Variants in RHBDD1 observed in about 807,000 individuals in gnomAD.
RHBDD1 encodes rhomboid domain containing 1.
RHBDD1 carries 38 observed loss-of-function variants against 36.3 expected under a neutral mutation model. The ratio of observed to expected loss-of-function variants is 1.05; its 90% CI spans 0.81 to 1.37. RHBDD1 has a LOEUF of 1.37. Among genes scored for constraint, RHBDD1 ranks in the 40% most tolerant of loss-of-function variants. The probability of loss-of-function intolerance (pLI) is 0.00; values close to 1 mark genes in which losing one functional copy is unlikely to be tolerated. For missense variants in RHBDD1, 393 were observed against 377.6 expected, an observed-to-expected ratio of 1.04 and a Z score of -0.34; for synonymous variants, 151 against 136.5, an observed-to-expected ratio of 1.11 and a Z score of -0.74.
intron 3 of RHBDD1, among the ~76,000 whole-genome samples, chr2:226,841,584 T>C (rs750800008): frequency 6.6e-6 from 1 of 152,232 alleles, no homozygotes; most frequent in Non-Finnish European, 1.5e-5. Context: ...GTCAGTTTGC[T>C]GAGGATAATG....
At chr2:226,898,104 C>T (rs557275342) in intron 5 of RHBDD1, among the ~76,000 whole-genome samples, 52 of 152,350 alleles carry the variant, frequency 3.4e-4, no homozygotes, top group South Asian at 6.2e-4. Flanking sequence ...GATCTGCCCT[C>T]ATGACCCAGT....
chr2:226,929,627 A>G (rs751907751), intron 8 of RHBDD1, among the ~76,000 whole-genome samples: 9 of 152,252 alleles, frequency 5.9e-5, no homozygotes, highest in Non-Finnish European at 1.2e-4. Context: ...ACTCTATTCA[A>G]CACATTACTG....
At chr2:226,960,113 G>T (rs887976585) in intron 8 of RHBDD1, among the ~76,000 whole-genome samples, 3 of 152,084 alleles carry the variant, frequency 2.0e-5, no homozygotes, top group African/African-American at 4.8e-5. Context: ...ATGAGCCACC[G>T]TGCCCGGCCA....
chr2:226,842,927 T>A (rs1249644630), intron 3 of RHBDD1, among the ~76,000 whole-genome samples: 1 of 152,250 alleles, frequency 6.6e-6, no homozygotes, highest in Non-Finnish European at 1.5e-5. Flanking sequence ...GTTTTTCCAT[T>A]TGTGTCCTCT....
At chr2:226,964,646 G>C (rs1952483820) in intron 8 of RHBDD1, among the ~76,000 whole-genome samples, 1 of 152,206 alleles carries the variant, frequency 6.6e-6, no homozygotes, top group South Asian at 2.1e-4. Flanking sequence ...GGACATCTCA[G>C]ATGCATCATG....
intron 8 of RHBDD1, among the ~76,000 whole-genome samples, chr2:226,951,579 A>G (rs1951429355): frequency 6.6e-6 from 1 of 152,204 alleles, no homozygotes; most frequent in Non-Finnish European, 1.5e-5. Flanking sequence ...TCATGATTGA[A>G]TATTTTCAGG....
chr2:226,984,254 T>C (rs752356809), intron 8 of RHBDD1, among the ~76,000 whole-genome samples: 8 of 152,242 alleles, frequency 5.3e-5, no homozygotes, highest in Non-Finnish European at 8.8e-5. Context: ...AACAAAATAC[T>C]ACCATGGACC....
chr2:226,831,705 CTT>C (rs79204506), upstream of RHBDD1, among the ~76,000 whole-genome samples: 20 of 144,472 alleles, frequency 1.4e-4, no homozygotes, highest in South Asian at 2.2e-4. Context: ...GTTTATAATA[CTT>C]TTTTTTTTTT....
chr2:226,972,549 C>T (rs746189143), intron 8 of RHBDD1, among the ~76,000 whole-genome samples: 63 of 152,282 alleles, frequency 4.1e-4, no homozygotes, highest in Middle Eastern at 3.4e-3. Context: ...CCAGGGCAGA[C>T]GTGGGCCACA....
intron 8 of RHBDD1, among the ~76,000 whole-genome samples, chr2:226,995,107 A>T (rs1204601586): frequency 6.6e-6 from 1 of 152,172 alleles, no homozygotes; most frequent in Admixed American, 6.5e-5. Context: ...ATAAAAAAAA[A>T]AAGACAATAA....
intron 8 of RHBDD1, among the ~76,000 whole-genome samples, chr2:226,975,607 T>G (rs749418393): frequency 2.0e-5 from 3 of 152,136 alleles, no homozygotes; most frequent in Non-Finnish European, 2.9e-5. Context: ...GGAATCTGCT[T>G]GGATTTAAAG....
chr2:226,966,031 A>G (rs1247580982), intron 8 of RHBDD1, among the ~76,000 whole-genome samples: 1 of 152,196 alleles, frequency 6.6e-6, no homozygotes, highest in Non-Finnish European at 1.5e-5. Flanking sequence ...ATTTACCATG[A>G]TCAAGTAGGC....
rs566066387 is a variant in RHBDD1 at position 226,995,863 on chromosome 2, C to A, written c.*341C>A. The A allele has an allele frequency of 7.9e-6, 2 of 252,094 alleles. No homozygotes were observed. The highest frequency in any genetic ancestry group is 5.4e-5 in the Admixed American group (1 of 18,676). 15.6% of individuals were successfully genotyped at this position (252,094 alleles called of 1,614,324 possible). A position where few individuals can be genotyped will look rare whatever the true frequency, so the allele number is the denominator to read the frequency against. ...GACCTTCACCAGGAGGTTTTACTTA[C>A]ACCAGTCGGGAAGATTAGTCCCTCA... On this transcript the variant is annotated 3_prime_UTR_variant, in exon 9 of 9. Coordinates refer to ENST00000392062, the MANE Select transcript of RHBDD1 (RefSeq NM_001167608.3).
intron 5 of RHBDD1, among the ~76,000 whole-genome samples, chr2:226,894,350 A>G (rs1946921797): frequency 6.6e-6 from 1 of 152,188 alleles, no homozygotes; most frequent in African/African-American, 2.4e-5. Context: ...GCTCACAGCA[A>G]CTTCTGCCTC....
upstream of RHBDD1, chr2:226,835,913 CA>C (rs1426941177): frequency 2.0e-5 from 3 of 152,432 alleles, no homozygotes; most frequent in Non-Finnish European, 4.4e-5. Context: ...ACGCGGTCTG[CA>C]GACAGCAGAG....
At position 226,864,872 on chromosome 2, in the gene RHBDD1, A is replaced by T; in HGVS notation, c.179A>T (p.Tyr60Phe). 1 of 1,614,234 alleles carries T rather than the reference A, an allele frequency of 6.2e-7. No homozygotes were observed. Among genetic ancestry groups the T allele is most frequent in the Non-Finnish European group, 8.5e-7 (1 of 1,180,040 alleles). ...YSSCLSVEKCYQQKDWQRLLL... is the reference protein window; with the variant it reads ...YSSCLSVEKCFQQKDWQRLLL... ...TCCTGCCTTAGTGTGGAGAAGTGTT[A>T]CCAGCAAAAAGACTGGCAGCGTTTA... The change falls in exon 4 of 9, where the codon TAC becomes TTC. Residue 60 changes from tyrosine (Y) to phenylalanine (F), a missense_variant. Physicochemically the swap from Tyr to Phe is conservative, Grantham distance 22. Transcript: ENST00000392062.
chr2:226,801,523 C>G, the RHBDD1 span, among the ~76,000 whole-genome samples: 1 of 152,184 alleles, frequency 6.6e-6, no homozygotes, highest in South Asian at 2.1e-4. Flanking sequence ...TTCTCCTCTC[C>G]CCTTCCTGTT....
chr2:226,841,347 G>A (rs961882496), intron 3 of RHBDD1, among the ~76,000 whole-genome samples: 3 of 152,022 alleles, frequency 2.0e-5, no homozygotes, highest in Non-Finnish European at 4.4e-5. Flanking sequence ...TGTAGGATGT[G>A]CAGGTTTGTT....
At chr2:226,902,237 C>T (rs867295470) in intron 5 of RHBDD1, among the ~76,000 whole-genome samples, 9 of 152,230 alleles carry the variant, frequency 5.9e-5, no homozygotes, top group African/African-American at 1.9e-4. Flanking sequence ...CTGTTTAACA[C>T]ATCTAATTAT....
Sources: gnomAD v4.1 joint callset for allele counts (sites outside exome capture counted in the v4.1 genomes callset) on GRCh38, gnomAD v4.1.1 for gene constraint, MANE v1.5 for transcripts, NCBI Gene and HGNC (gene_info 2026-07-23, HGNC 2026-07-21) for gene names.